WDR86: variants seen among roughly 807,000 people sequenced by gnomAD.
The protein encoded by WDR86 is WD repeat-containing protein 86.
Under a neutral mutation model 36.5 loss-of-function variants are expected in WDR86, and 30 were observed. The ratio of observed to expected loss-of-function variants is 0.82; its 90% CI spans 0.61 to 1.11. The LOEUF is 1.11. WDR86 is among the 50% of genes most tolerant of loss of function. WDR86 has a pLI of 0.00. For missense variants in WDR86, 545 were observed against 561.2 expected (o/e 0.97, Z 0.29); for synonymous variants, 255 against 252.9 (o/e 1.01, Z -0.08).
chr7:151,409,473 G>C lies in WDR86; in HGVS notation c.117C>G (p.Ala39=), dbSNP rs756858871. The part of the protein sequence containing the change: ...RLLTGSEDGT[A]RLWSTADGQC... ...GGCCGTCCGCGGTGCTCCAGAGCCGGGCCGTGCCGTCCTCGCTGCCCGTCA... is the reference window on the plus strand; with the variant it reads ...GGCCGTCCGCGGTGCTCCAGAGCCGCGCCGTGCCGTCCTCGCTGCCCGTCA... The change falls in exon 1 of 6, where the codon GCC becomes GCG. Residue 39 remains alanine (A), a synonymous_variant. Coordinates refer to ENST00000334493, the MANE Select transcript of WDR86 (RefSeq NM_198285.3). This position sits in a 1 kb window ranked among gnomAD's most constrained non-coding sequence, Gnocchi z 5.2. 50 of 1,537,690 alleles carry C rather than the reference G, an allele frequency of 3.3e-5. No individual in the cohort carries two copies. Among genetic ancestry groups the C allele is most frequent in the Non-Finnish European group, 4.3e-5 (49 of 1,147,496 alleles).
chr7:151,385,247 C>G (rs771724818), intron 3 of WDR86, 24 bp from the exon 4 acceptor site: 2 of 1,608,298 alleles, frequency 1.2e-6, no homozygotes, highest in Non-Finnish European at 1.7e-6. Context: ...CAGGGAAGGT[C>G]GGCAGCTGGG....
chr7:151,404,330 G>T (rs904418200), intron 1 of WDR86, among the ~76,000 whole-genome samples: 1 of 152,176 alleles, frequency 6.6e-6, no homozygotes, highest in African/African-American at 2.4e-5. Flanking sequence ...GGCCCACAGC[G>T]TTCAGGGTTC....
downstream of WDR86, chr7:151,376,867 C>A (rs1005082728): frequency 3.0e-5 from 45 of 1,517,652 alleles, no homozygotes; most frequent in East Asian, 9.6e-4. Context: ...CAGAAGCCAA[C>A]AGATGTGGCC....
At chr7:151,386,868 C>T (rs1181536305) in intron 3 of WDR86, among the ~76,000 whole-genome samples, 3 of 152,224 alleles carry the variant, frequency 2.0e-5, no homozygotes, top group Admixed American at 6.5e-5. Context: ...GACCTCTGGG[C>T]ACGTGCCTTC....
rs1173786688 is a variant in WDR86 at position 151,390,872 on chromosome 7, G to C, written c.726+4904C>G. On this transcript the variant is annotated intron_variant, in intron 3 of 5. Coordinates refer to ENST00000334493, the MANE Select transcript of WDR86 (RefSeq NM_198285.3). This position sits in a 1 kb window ranked among gnomAD's most constrained non-coding sequence, Gnocchi z 4.5. ...AGAGACACAAAGCAGAAGGGCGGGT[G>C]CCCGGGGCATGGAAGAGCAGCGGGG... 2.0e-5 allele frequency among the ~76,000 whole-genome samples: 3 copies of C among 152,260 alleles called. No homozygotes were observed. The highest frequency in any genetic ancestry group is 2.9e-5 in the Non-Finnish European group (2 of 68,052).
rs1800658613 is a variant in WDR86, at chr7:151,405,715, G to A, written c.163+3712C>T. ...GAGGCTGCTGTGGCTCTTGTCACCAGCGTGCCGCAGGCCTCCTTCAGCCCA... is the reference window on the plus strand; with the variant it reads ...GAGGCTGCTGTGGCTCTTGTCACCAACGTGCCGCAGGCCTCCTTCAGCCCA... On this transcript the variant is annotated intron_variant, in intron 1 of 5. Transcript: ENST00000334493. This position sits in a 1 kb window ranked among gnomAD's most constrained non-coding sequence, Gnocchi z 4.7. 6.6e-6 allele frequency among the ~76,000 whole-genome samples: 1 copy of A among 152,182 alleles called. No homozygotes were observed. Among genetic ancestry groups the A allele is most frequent in the African/African-American group, 2.4e-5 (1 of 41,450 alleles).
At chr7:151,378,778 T>C (rs1220033894), downstream of WDR86, among the ~76,000 whole-genome samples, 2 of 152,234 alleles carry the variant, frequency 1.3e-5, no homozygotes, top group East Asian at 3.8e-4. Context: ...ATTTAAGCTT[T>C]TGGCTAACAA....
At chr7:151,372,395 A>C, downstream of WDR86, among the ~76,000 whole-genome samples, 1 of 152,232 alleles carries the variant, frequency 6.6e-6, no homozygotes, top group East Asian at 1.9e-4. Flanking sequence ...CGAAGCTCCC[A>C]GTTGGTGTGA....
chr7:151,375,114 C>T (rs371347421), downstream of WDR86, among the ~76,000 whole-genome samples: 13 of 152,260 alleles, frequency 8.5e-5, no homozygotes, highest in South Asian at 1.0e-3. Context: ...GCAGCAGGCA[C>T]GGGGAGTCCA....
chr7:151,372,987 A>G (rs1019488038), downstream of WDR86, among the ~76,000 whole-genome samples: 3 of 151,952 alleles, frequency 2.0e-5, no homozygotes, highest in Non-Finnish European at 2.9e-5. Context: ...TCCAGCAGCC[A>G]CTCTGTTCTG....
In WDR86 at chr7:151,388,482, C is replaced by T. The variant is rs1398495735; in HGVS notation, c.727-3259G>A. Among the ~76,000 whole-genome samples the T allele has an allele frequency of 6.6e-6, 1 of 152,136 alleles. No homozygotes were observed. The highest frequency in any genetic ancestry group is 1.5e-5 in the Non-Finnish European group (1 of 68,014). On this transcript the variant is annotated intron_variant, in intron 3 of 5. Transcript: ENST00000334493. This position sits in a 1 kb window ranked among gnomAD's most constrained non-coding sequence, Gnocchi z 4.2. ...CGCAGGGCCACCACAGACAGGGTGC[C>T]CCCTGGCTTTTTGACCTTGGGTTTG...
chr7:151,374,975 A>G (rs1798143554), downstream of WDR86, among the ~76,000 whole-genome samples: 1 of 136,190 alleles, frequency 7.3e-6, no homozygotes, highest in African/African-American at 2.7e-5. Context: ...GCGGGCAGGA[A>G]GCAGAGTGGT....
chr7:151,406,770 A>G lies in WDR86; in HGVS notation c.163+2657T>C, dbSNP rs1027173568. On this transcript the variant is annotated intron_variant, in intron 1 of 5. Coordinates refer to ENST00000334493, the MANE Select transcript of WDR86 (RefSeq NM_198285.3). This position sits in a 1 kb window ranked among gnomAD's most constrained non-coding sequence, Gnocchi z 4.4. ...AACAAGAATGCCGTGTATGCTGCTC[A>G]TGAGTCTGCACCTCCCCACTCTCCT... 6.6e-6 allele frequency among the ~76,000 whole-genome samples: 1 copy of G among 152,202 alleles called. No homozygotes were observed. Among genetic ancestry groups the G allele is most frequent in the Non-Finnish European group, 1.5e-5 (1 of 68,032 alleles).
downstream of WDR86, among the ~76,000 whole-genome samples, chr7:151,380,346 T>C (rs1236255438): frequency 6.6e-6 from 1 of 152,220 alleles, no homozygotes; most frequent in Non-Finnish European, 1.5e-5. Context: ...CCCGGCCGTC[T>C]CTGATGAAGT....
At chr7:151,387,758 T>C (rs1799099176) in intron 3 of WDR86, among the ~76,000 whole-genome samples, 1 of 152,066 alleles carries the variant, frequency 6.6e-6, no homozygotes, top group Admixed American at 6.5e-5. Context: ...AAGATACTCC[T>C]CCCAAGCAAG....
chr7:151,382,014 C>G (rs1171267582), intron 4 of WDR86, 33 bp from the exon 5 acceptor site: 1 of 1,551,378 alleles, frequency 6.4e-7, no homozygotes, highest in Non-Finnish European at 8.7e-7. Context: ...GGGCCTCCCT[C>G]CCTGCTCGGC....
At position 151,390,406 on chromosome 7, in the gene WDR86, T is replaced by C. The variant is rs1463538783; in HGVS notation, c.727-5183A>G. 6.6e-6 allele frequency among the ~76,000 whole-genome samples: 1 copy of C among 152,118 alleles called. No individual in the cohort carries two copies. Among genetic ancestry groups the C allele is most frequent in the African/African-American group, 2.4e-5 (1 of 41,410 alleles). On this transcript the variant is annotated intron_variant, in intron 3 of 5. Coordinates refer to ENST00000334493, the MANE Select transcript of WDR86 (RefSeq NM_198285.3). The surrounding 1 kb of genome is among the most constrained non-coding windows in gnomAD (Gnocchi z 4.5). ...CCCACAGTCAGGAAGCCTCCGGAAG[T>C]TGCACAGCGTCCTGACGCTGTGGGC...
downstream of WDR86, chr7:151,374,368 A>G (rs1798108310): frequency 8.0e-7 from 1 of 1,256,616 alleles, no homozygotes; most frequent in Non-Finnish European, 1.1e-6. Flanking sequence ...TCCGGATCTG[A>G]AGGGCAGGTT....
rs1799783492 is a variant in WDR86, at chr7:151,395,877, A to T, written c.625T>A (p.Phe209Ile). ...LVLDTPGHTA[F>I]TGSTDATIRA... ...ATGGTGGCGTCGGTGCTGCCTGTGAAGGCCGTGTGGCCGGGCGTGTCTAGC... is the reference window on the plus strand; with the variant it reads ...ATGGTGGCGTCGGTGCTGCCTGTGATGGCCGTGTGGCCGGGCGTGTCTAGC... Residue 209 changes from phenylalanine (F) to isoleucine (I), a missense_variant, in exon 3 of 6, where the codon TTC (phenylalanine) becomes ATC (isoleucine). Coordinates refer to ENST00000334493, the MANE Select transcript of WDR86 (RefSeq NM_198285.3). The T allele has an allele frequency of 1.9e-6, 3 of 1,600,802 alleles. No homozygotes were observed. In the East Asian group the frequency reaches 6.8e-5, roughly 36 times the overall value.
Sources: allele counts gnomAD v4.1 joint callset (sites outside exome capture counted in the v4.1 genomes callset), GRCh38; gene constraint gnomAD v4.1.1; non-coding constraint Gnocchi (gnomAD v3.1); transcripts MANE v1.5; gene names NCBI Gene and HGNC (gene_info 2026-07-23, HGNC 2026-07-21).